Variants in SLC9C1 observed in about 807,000 individuals in gnomAD.
SLC9C1 encodes solute carrier family 9 member C1, also known as sodium/hydrogen exchanger 10.
Under a neutral mutation model 140.9 loss-of-function variants are expected in SLC9C1, and 97 were observed. The ratio of observed to expected loss-of-function variants is 0.69; its 90% confidence interval spans 0.58 to 0.82. SLC9C1 has a LOEUF of 0.82. Ranked by LOEUF, SLC9C1 falls within the 40% of genes least tolerant of loss-of-function variation. The probability of loss-of-function intolerance (pLI) is 0.00; values close to 1 mark genes in which losing one functional copy is unlikely to be tolerated. For synonymous variants in SLC9C1, 440 were observed against 442.6 expected, an observed-to-expected ratio of 0.99 and a Z score of 0.07; for missense variants, 1,340 against 1,389.3, an observed-to-expected ratio of 0.96 and a Z score of 0.56.
At chr3:112,150,241 C>T (rs922410977) in intron 28 of SLC9C1, among the ~76,000 whole-genome samples, 32 of 152,120 alleles carry the variant, frequency 2.1e-4, no homozygotes, top group African/African-American at 7.0e-4. Flanking sequence ...TTTATGTGAC[C>T]GGATTAAAAA....
Position 112,208,015 on chromosome 3 carries a change from A to C in SLC9C1, c.1986+163T>G, listed in dbSNP as rs191328335. ...CTTCAAGTATGCATATTATCTATTG[A>C]GTTACTATAAAAATCACCTTCAAAA... On this transcript the variant is annotated intron_variant, in intron 16 of 28. Transcript: ENST00000305815. Among the ~76,000 whole-genome samples the C allele has an allele frequency of 2.0e-5, 3 of 152,294 alleles. No individual in the cohort carries two copies. The South Asian group carries it at 6.2e-4, about 32-fold the overall frequency.
chr3:112,244,123 T>C, intron 10 of SLC9C1, 47 bp from the exon 11 acceptor site: 1 of 1,185,550 alleles, frequency 8.4e-7, no homozygotes. Context: ...CAATTTCATA[T>C]AATATAGCCT....
At chr3:112,281,401 G>T (rs1244162349) in intron 2 of SLC9C1, among the ~76,000 whole-genome samples, 3 of 152,180 alleles carry the variant, frequency 2.0e-5, no homozygotes, top group Admixed American at 2.0e-4. Flanking sequence ...TGGGAGAAAA[G>T]GCTCTCCGAT....
At chr3:112,293,626 C>T (rs185431318) in intron 1 of SLC9C1, among the ~76,000 whole-genome samples, 11 of 152,252 alleles carry the variant, frequency 7.2e-5, no homozygotes, top group Non-Finnish European at 1.5e-4. Context: ...AGTAAACTCT[C>T]CTACCACACA....
intron 20 of SLC9C1, among the ~76,000 whole-genome samples, chr3:112,189,443 C>T (rs2077605722): frequency 6.6e-6 from 1 of 152,222 alleles, no homozygotes; most frequent in Non-Finnish European, 1.5e-5. Flanking sequence ...CAGCTTTCTA[C>T]ATATGGCCAG....
chr3:112,193,783 A>G (rs559247014), intron 20 of SLC9C1, among the ~76,000 whole-genome samples: 1 of 152,108 alleles, frequency 6.6e-6, no homozygotes, highest in Non-Finnish European at 1.5e-5. Flanking sequence ...GGAGAGACAC[A>G]GTGGTTAGGC....
chr3:112,249,326 T>C (rs1559712786), intron 10 of SLC9C1, among the ~76,000 whole-genome samples: 1 of 151,514 alleles, frequency 6.6e-6, no homozygotes, highest in Non-Finnish European at 1.5e-5. Flanking sequence ...GATTAGCTTT[T>C]TGATTTGTTG....
intron 11 of SLC9C1, among the ~76,000 whole-genome samples, chr3:112,241,416 G>A (rs1380439754): frequency 3.3e-5 from 5 of 152,024 alleles, no homozygotes; most frequent in Non-Finnish European, 5.9e-5. Context: ...TCTACAAGGC[G>A]AACTATAAAA....
intron 22 of SLC9C1, 97 bp downstream of exon 22, chr3:112,180,467 G>A: frequency 2.2e-6 from 2 of 899,770 alleles, no homozygotes; most frequent in Non-Finnish European, 1.7e-6. Context: ...AGGCTACAGT[G>A]AGCCAAGATC....
chr3:112,156,764 T>C (rs1448305012), intron 26 of SLC9C1, among the ~76,000 whole-genome samples: 1 of 152,128 alleles, frequency 6.6e-6, no homozygotes, highest in Non-Finnish European at 1.5e-5. Flanking sequence ...TGATTTGCAT[T>C]TCTCTATTTT....
intron 13 of SLC9C1, among the ~76,000 whole-genome samples, chr3:112,227,608 C>T (rs191178483): frequency 6.6e-6 from 1 of 152,152 alleles, no homozygotes; most frequent in East Asian, 1.9e-4. Context: ...CCATATATGA[C>T]AAATCCACAG....
Position 112,179,740 on chromosome 3 carries a change from G to T in SLC9C1, c.2749-39C>A, listed in dbSNP as rs537813302. The T allele has an allele frequency of 1.4e-5, 21 of 1,516,588 alleles. No individual in the cohort carries two copies. In the South Asian group the frequency reaches 2.6e-4, roughly 19 times the overall value. 93.9% of individuals were successfully genotyped at this position (1,516,588 alleles called of 1,614,324 possible). A position where few individuals can be genotyped will look rare whatever the true frequency, so the allele number is the denominator to read the frequency against. On this transcript the variant is annotated intron_variant, in intron 22 of 28. Coordinates refer to ENST00000305815, the MANE Select transcript of SLC9C1 (RefSeq NM_183061.3). ...AAGAAAGAGAAAAATACATATGCCAGTTAACTTGTATTACCAAAACTAATT... is the reference window on the plus strand; with the variant it reads ...AAGAAAGAGAAAAATACATATGCCATTTAACTTGTATTACCAAAACTAATT...
intron 12 of SLC9C1, among the ~76,000 whole-genome samples, chr3:112,238,535 G>A (rs954323283): frequency 6.6e-6 from 1 of 152,200 alleles, no homozygotes; most frequent in Non-Finnish European, 1.5e-5. Flanking sequence ...GAGGTGCTCT[G>A]ATTTTTAGAA....
At chr3:112,156,388 C>A (rs900686498) in intron 26 of SLC9C1, among the ~76,000 whole-genome samples, 5 of 151,994 alleles carry the variant, frequency 3.3e-5, no homozygotes, top group Non-Finnish European at 5.9e-5. Flanking sequence ...CACATACACA[C>A]ATATACACAC....
chr3:112,163,655 G>A (rs898953925), intron 26 of SLC9C1, among the ~76,000 whole-genome samples: 63 of 152,106 alleles, frequency 4.1e-4, no homozygotes, highest in Admixed American at 1.2e-3. Context: ...TATAATTTCT[G>A]TTCTTTTACA....
chr3:112,279,789 A>G (rs906629667), intron 3 of SLC9C1, among the ~76,000 whole-genome samples: 5 of 152,246 alleles, frequency 3.3e-5, no homozygotes, highest in African/African-American at 1.2e-4. Flanking sequence ...AACAGGCACA[A>G]GAAAATGTTA....
At chr3:112,185,501 T>C (rs2077517346) in intron 20 of SLC9C1, 2 of 1,611,876 alleles carry the variant, frequency 1.2e-6, no homozygotes, top group Non-Finnish European at 1.7e-6. Flanking sequence ...TGATGATCTC[T>C]CCTTTTTCAG....
chr3:112,173,504 C>T (rs2107932461), intron 23 of SLC9C1, among the ~76,000 whole-genome samples: 1 of 152,286 alleles, frequency 6.6e-6, no homozygotes, highest in Middle Eastern at 3.4e-3. Flanking sequence ...TGATGTTTAG[C>T]TCCCATTTAT....
At chr3:112,196,732 T>C (rs1167204108) in intron 20 of SLC9C1, among the ~76,000 whole-genome samples, 1 of 152,142 alleles carries the variant, frequency 6.6e-6, no homozygotes, top group Non-Finnish European at 1.5e-5. Flanking sequence ...TGCTCCAGAA[T>C]TTCTTTTTAG....
Sources: allele counts gnomAD v4.1 joint callset (sites outside exome capture counted in the v4.1 genomes callset), GRCh38; gene constraint gnomAD v4.1.1; transcripts MANE v1.5; gene names NCBI Gene and HGNC (gene_info 2026-07-23, HGNC 2026-07-21).